LRP1B: variants seen among roughly 807,000 people sequenced by gnomAD.
The protein encoded by LRP1B is low-density lipoprotein receptor-related protein 1B.
LRP1B carries 217 observed loss-of-function variants against 556.6 expected under a neutral mutation model. The ratio of observed to expected loss-of-function variants is 0.39; its 90% CI spans 0.35 to 0.44. The LOEUF is 0.44. Ranked by LOEUF, LRP1B falls within the 20% of genes least tolerant of loss-of-function variation. The pLI, the probability that LRP1B is intolerant of heterozygous loss-of-function variation, is 1.00. For synonymous variants in LRP1B, 2,047 were observed against 1,865.8 expected, an observed-to-expected ratio of 1.10 and a Z score of -2.50; for missense variants, 5,053 against 5,620.8, an observed-to-expected ratio of 0.90 and a Z score of 3.23.
chr2:140,750,585 C>T lies in LRP1B; in HGVS notation c.5758+18628G>A, dbSNP rs117809850. On this transcript the variant is annotated intron_variant, in intron 35 of 90. Transcript: ENST00000389484. ...GTATTAAACAAAACATGAATGCCCA[C>T]TGTTACCCATTTCTTCTAATAGAGT... Among the ~76,000 whole-genome samples the T allele has an allele frequency of 9.8e-5, 15 of 152,296 alleles. No homozygotes were observed. The East Asian group carries it at 2.9e-3, about 29-fold the overall frequency.
intron 60 of LRP1B, among the ~76,000 whole-genome samples, chr2:140,462,037 T>C (rs1687346660): frequency 6.6e-6 from 1 of 152,180 alleles, no homozygotes; most frequent in African/African-American, 2.4e-5. Context: ...AAACAATCAG[T>C]GATCCATTAA....
At chr2:141,744,459 C>A (rs78979185) in intron 2 of LRP1B, among the ~76,000 whole-genome samples, 5,094 of 152,216 alleles carry the variant, frequency 0.033, 260 homozygotes, top group African/African-American at 0.12. Context: ...GTGTATTCTG[C>A]AGTCATTGGA....
At chr2:140,404,252 G>A (rs1231493866) in intron 66 of LRP1B, among the ~76,000 whole-genome samples, 4 of 138,826 alleles carry the variant, frequency 2.9e-5, no homozygotes, top group African/African-American at 5.5e-5. Context: ...TCGGCTCGCT[G>A]CAATCTTTGC....
chr2:141,785,847 G>C (rs1247662001), intron 2 of LRP1B, among the ~76,000 whole-genome samples: 1 of 151,534 alleles, frequency 6.6e-6, no homozygotes, highest in Non-Finnish European at 1.5e-5. Context: ...CTACCTAATA[G>C]TCCATTCATA....
intron 41 of LRP1B, among the ~76,000 whole-genome samples, chr2:140,645,452 G>T (rs1684443985): frequency 6.7e-6 from 1 of 149,320 alleles, no homozygotes; most frequent in African/African-American, 2.5e-5. Flanking sequence ...GTATTCAATT[G>T]CCCTTCTACT....
chr2:141,966,742 C>A (rs955107885), intron 1 of LRP1B, among the ~76,000 whole-genome samples: 3 of 151,880 alleles, frequency 2.0e-5, no homozygotes, highest in African/African-American at 7.2e-5. Flanking sequence ...CTACCTGACT[C>A]TACTATACTT....
At chr2:140,378,105 A>G (rs1332946229) in intron 68 of LRP1B, 75 bp downstream of exon 68, 1 of 980,050 alleles carries the variant, frequency 1.0e-6, no homozygotes, top group African/African-American at 1.6e-5. Context: ...TGCCGCACTT[A>G]TTGGACTGAA....
At chr2:141,004,050 T>C (rs1697500666) in intron 15 of LRP1B, among the ~76,000 whole-genome samples, 1 of 152,116 alleles carries the variant, frequency 6.6e-6, no homozygotes, top group East Asian at 1.9e-4. Context: ...CTTTTCTTCA[T>C]CAGAAGAGAT....
chr2:141,121,177 T>C (rs888204056), intron 7 of LRP1B, among the ~76,000 whole-genome samples: 2 of 152,036 alleles, frequency 1.3e-5, no homozygotes, highest in Non-Finnish European at 2.9e-5. Flanking sequence ...GAGTAAAGCC[T>C]CATGGAGTTA....
chr2:140,595,092 A>ATC (rs1385323966), intron 43 of LRP1B, among the ~76,000 whole-genome samples: 2,038 of 14,278 alleles, frequency 0.14, 80 homozygotes, highest in African/African-American at 0.34. Context: ...AATTGAATAT[A>ATC]TATATATATA....
At chr2:141,477,250 C>T (rs1285195761) in intron 3 of LRP1B, among the ~76,000 whole-genome samples, 1 of 121,880 alleles carries the variant, frequency 8.2e-6, no homozygotes, top group African/African-American at 3.1e-5. Context: ...TAGAATGCAA[C>T]AAAAAGGATG....
At chr2:140,721,535 ACTT>A (rs1404006805) in intron 35 of LRP1B, among the ~76,000 whole-genome samples, 3 of 103,026 alleles carry the variant, frequency 2.9e-5, no homozygotes, top group South Asian at 3.1e-4. Flanking sequence ...TCAAAGATGC[ACTT>A]TTTTTTTTTT....
chr2:140,842,330 T>C (rs1051083149), intron 29 of LRP1B, among the ~76,000 whole-genome samples: 7 of 152,186 alleles, frequency 4.6e-5, no homozygotes, highest in African/African-American at 1.2e-4. Context: ...ATTTGAATGG[T>C]AGGCTTCCAG....
chr2:141,209,082 A>G (rs1463318717), intron 6 of LRP1B, among the ~76,000 whole-genome samples: 1 of 152,082 alleles, frequency 6.6e-6, no homozygotes, highest in East Asian at 1.9e-4. Flanking sequence ...ACAGTCACAG[A>G]CACAGCACTA....
intron 2 of LRP1B, among the ~76,000 whole-genome samples, chr2:141,542,408 T>G (rs1685293645): frequency 6.6e-6 from 1 of 152,034 alleles, no homozygotes; most frequent in African/African-American, 2.4e-5. Context: ...TCAAATATTT[T>G]ATTATATTTA....
intron 2 of LRP1B, among the ~76,000 whole-genome samples, chr2:141,693,795 A>C (rs1227943442): frequency 6.6e-6 from 1 of 151,842 alleles, no homozygotes; most frequent in African/African-American, 2.4e-5. Flanking sequence ...TTTTAGATTC[A>C]CTCTGCTTTT....
intron 3 of LRP1B, among the ~76,000 whole-genome samples, chr2:141,479,387 C>T (rs6738081): frequency 0.51 from 77,344 of 151,858 alleles, 19,993 homozygotes; most frequent in Non-Finnish European, 0.56. Context: ...GAGCTCCTCC[C>T]GAACAACTGG....
At chr2:141,732,806 T>C (rs1693322347) in intron 2 of LRP1B, among the ~76,000 whole-genome samples, 2 of 152,126 alleles carry the variant, frequency 1.3e-5, no homozygotes, top group Non-Finnish European at 2.9e-5. Flanking sequence ...TTAAACCGCA[T>C]AGACTATAAG....
Position 141,533,968 on chromosome 2 carries a change from T to C in LRP1B, c.206-53435A>G, listed in dbSNP as rs140662276. 2.0e-3 allele frequency among the ~76,000 whole-genome samples: 302 copies of C among 152,270 alleles called. 5 individuals carry two copies. The highest frequency in any genetic ancestry group is 0.019 in the East Asian group (96 of 5,178). ...TTTAACACATTATACCTGAAGGTTA[T>C]AGAAACAAACAATGTTTCAAGAGTG... On this transcript the variant is annotated intron_variant, in intron 2 of 90. Transcript: ENST00000389484.
Sources: gnomAD v4.1 joint callset for allele counts (sites outside exome capture counted in the v4.1 genomes callset) on GRCh38, gnomAD v4.1.1 for gene constraint, MANE v1.5 for transcripts, NCBI Gene and HGNC (gene_info 2026-07-23, HGNC 2026-07-21) for gene names.